TGM3: variants seen among roughly 807,000 people sequenced by gnomAD.
TGM3 encodes the protein protein-glutamine gamma-glutamyltransferase E.
TGM3 carries 52 observed loss-of-function variants against 73.8 expected under a neutral mutation model. That is an observed-to-expected ratio of 0.70 (90% CI 0.56 to 0.89). The LOEUF is 0.89. Ranked by LOEUF, TGM3 falls within the 40% of genes least tolerant of loss-of-function variation. The pLI is 0.00. For synonymous variants in TGM3, 372 were observed against 354.9 expected, an observed-to-expected ratio of 1.05 and a Z score of -0.54; for missense variants, 928 against 909.9, an observed-to-expected ratio of 1.02 and a Z score of -0.26.
chr20:2,300,259 G>C (rs57601713), intron 1 of TGM3, among the ~76,000 whole-genome samples: 2 of 128,496 alleles, frequency 1.6e-5, no homozygotes. Flanking sequence ...AAAGAAAAGA[G>C]AGGAGAAGAG....
intron 1 of TGM3, among the ~76,000 whole-genome samples, chr20:2,308,910 T>C (rs1355670809): frequency 6.6e-6 from 1 of 150,562 alleles, no homozygotes; most frequent in Admixed American, 6.6e-5. Context: ...AGAGTTTTGC[T>C]GTTGATGCCC....
At chr20:2,338,213 A>G (rs568504374) in intron 11 of TGM3, among the ~76,000 whole-genome samples, 40 of 152,320 alleles carry the variant, frequency 2.6e-4, no homozygotes, top group African/African-American at 9.4e-4. Flanking sequence ...CAATCTGAAC[A>G]TTGTTTCCAA....
intron 1 of TGM3, among the ~76,000 whole-genome samples, chr20:2,298,632 T>A (rs1338865541): frequency 6.6e-6 from 1 of 152,160 alleles, no homozygotes; most frequent in Non-Finnish European, 1.5e-5. Context: ...ATTCCCAGCG[T>A]CTGGGTCTAC....
chr20:2,297,562 G>A (rs964767938), intron 1 of TGM3, among the ~76,000 whole-genome samples: 2 of 152,188 alleles, frequency 1.3e-5, no homozygotes, highest in East Asian at 1.9e-4. Context: ...TGGCCTGCCC[G>A]CTGTGAGGCA....
rs146616453 is a variant in TGM3 at position 2,310,312 on chromosome 20, G to A, written c.316G>A (p.Ala106Thr). 9.1e-5 allele frequency: 147 copies of A among 1,614,096 alleles called. 1 individual carries two copies. The highest frequency in any genetic ancestry group is 1.1e-4 in the Non-Finnish European group (130 of 1,180,032). Residue 106 changes from alanine to threonine, a missense_variant, in exon 3 of 13, where the codon GCA becomes ACA. Physicochemically the swap from Ala to Thr is moderately conservative, Grantham distance 58. Coordinates refer to ENST00000381458, the MANE Select transcript of TGM3 (RefSeq NM_003245.4). ...LTISISSPAS[A>T]PIGRYTMALQ... ...TATCAGCATCTCCAGTCCTGCCAGCGCACCCATAGGACGGTACACAATGGC... is the reference window on the plus strand; with the variant it reads ...TATCAGCATCTCCAGTCCTGCCAGCACACCCATAGGACGGTACACAATGGC...
At position 2,328,663 on chromosome 20, in the gene TGM3, G is replaced by A. The variant is rs549561199; in HGVS notation, c.1333+298G>A. On this transcript the variant is annotated intron_variant, in intron 9 of 12. Coordinates refer to ENST00000381458, the MANE Select transcript of TGM3 (RefSeq NM_003245.4). This position sits in a 1 kb window ranked among gnomAD's most constrained non-coding sequence, Gnocchi z 5.2. ...ACTACACAGCTAGGGTGACAGCACC[G>A]TGACTGAACATCACAGGGAGAGACA... Among the ~76,000 whole-genome samples the A allele has an allele frequency of 1.4e-4, 22 of 152,336 alleles. No individual in the cohort carries two copies. Among genetic ancestry groups the A allele is most frequent in the Non-Finnish European group, 2.4e-4 (16 of 68,030 alleles).
intron 11 of TGM3, among the ~76,000 whole-genome samples, chr20:2,336,153 C>T (rs1174040008): frequency 6.6e-6 from 1 of 152,210 alleles, no homozygotes; most frequent in African/African-American, 2.4e-5. Flanking sequence ...CTGTGTCTTC[C>T]TCAGCACTGG....
At chr20:2,298,036 C>T (rs574486302) in intron 1 of TGM3, among the ~76,000 whole-genome samples, 84 of 46,154 alleles carry the variant, frequency 1.8e-3, no homozygotes, top group African/African-American at 3.5e-3. Context: ...AAAATGGTCA[C>T]AGACAATGAG....
Position 2,340,040 on chromosome 20 carries a change from G to GGGGGGGGGGGGGGGGGGGC in TGM3, c.1934+53_1934+54insGGGGGGGGGGGGGGGGGGC. On this transcript the variant is annotated intron_variant, in intron 12 of 12. Coordinates refer to ENST00000381458, the MANE Select transcript of TGM3 (RefSeq NM_003245.4). ...CAGGAGGGCGGGAGGGGGCGGGGGG[G>GGGGGGGGGGGGGGGGGGGC]CCCTCCAGATCCCCTGGGTGGGACA... is the stretch of plus-strand genomic sequence containing the variant. The GGGGGGGGGGGGGGGGGGGC allele has an allele frequency of 3.2e-4, 298 of 943,986 alleles. 1 individual carries two copies. The highest frequency in any genetic ancestry group is 4.4e-4 in the Non-Finnish European group (273 of 623,156). The allele number at this position is 943,986 out of a possible 1,614,324, so 58.5% of individuals were successfully genotyped here.
intron 1 of TGM3, among the ~76,000 whole-genome samples, chr20:2,307,358 C>G (rs895408332): frequency 2.0e-5 from 3 of 152,102 alleles, no homozygotes; most frequent in Non-Finnish European, 4.4e-5. Flanking sequence ...CCAACCCCCA[C>G]TCTCTCCTGT....
chr20:2,335,228 G>T lies in TGM3; in HGVS notation c.1755G>T (p.Val585=). The T allele has an allele frequency of 6.2e-7, 1 of 1,614,222 alleles. No individual in the cohort carries two copies. The highest frequency in any genetic ancestry group is 8.5e-7 in the Non-Finnish European group (1 of 1,180,040). Residue 585 remains valine, a synonymous_variant, in exon 11 of 13, where the codon GTG becomes GTT. Coordinates refer to ENST00000381458, the MANE Select transcript of TGM3 (RefSeq NM_003245.4). ...VCKVPDESEV[V]VERDIILDNP... ...AGGTCCCAGATGAGTCTGAGGTGGT[G>T]GTGGAGCGGGACATCATCCTGGACA...
intron 11 of TGM3, among the ~76,000 whole-genome samples, chr20:2,337,074 C>T (rs2084354832): frequency 2.6e-5 from 4 of 152,190 alleles, no homozygotes; most frequent in Admixed American, 2.6e-4. Context: ...TCCATGAGGG[C>T]AGGCATTACC....
intron 1 of TGM3, among the ~76,000 whole-genome samples, chr20:2,299,403 C>T (rs906319403): frequency 6.7e-6 from 1 of 148,988 alleles, no homozygotes; most frequent in Non-Finnish European, 1.5e-5. Context: ...CATGCCTGAG[C>T]ACTCCCCTTG....
intron 8 of TGM3, among the ~76,000 whole-genome samples, chr20:2,327,596 G>A (rs1215668387): frequency 6.6e-6 from 1 of 152,198 alleles, no homozygotes; most frequent in African/African-American, 2.4e-5. Context: ...TCTAGGGGTT[G>A]TGGTGAAAAA....
intron 8 of TGM3, among the ~76,000 whole-genome samples, chr20:2,326,793 G>A (rs2084290332): frequency 6.6e-6 from 1 of 151,914 alleles, no homozygotes; most frequent in South Asian, 2.1e-4. Flanking sequence ...GTAAAGCCGT[G>A]AGCCGAGATC....
At chr20:2,339,832 C>T (rs1206081029) in intron 11 of TGM3, 22 bp from the exon 12 acceptor site, 10 of 1,613,352 alleles carry the variant, frequency 6.2e-6, no homozygotes, top group East Asian at 4.5e-5. Flanking sequence ...AGTCCTGACT[C>T]GGCAGCCCCT....
intron 7 of TGM3, among the ~76,000 whole-genome samples, chr20:2,321,054 G>A (rs2084260203): frequency 6.6e-6 from 1 of 152,142 alleles, no homozygotes; most frequent in South Asian, 2.1e-4. Flanking sequence ...TCTCTCCACG[G>A]CCTCTGCCTC....
At chr20:2,327,367 T>C (rs2084293876) in intron 8 of TGM3, among the ~76,000 whole-genome samples, 1 of 151,542 alleles carries the variant, frequency 6.6e-6, no homozygotes, top group Non-Finnish European at 1.5e-5. Context: ...TCCCAGCTAC[T>C]GAGAGAGGCT....
intron 1 of TGM3, among the ~76,000 whole-genome samples, chr20:2,305,018 T>G (rs1277289973): frequency 6.6e-6 from 1 of 152,188 alleles, no homozygotes; most frequent in Non-Finnish European, 1.5e-5. Context: ...AAAAGATGCC[T>G]GAGACAAGGT....
Sources: allele counts gnomAD v4.1 joint callset (sites outside exome capture counted in the v4.1 genomes callset), GRCh38; gene constraint gnomAD v4.1.1; non-coding constraint Gnocchi (gnomAD v3.1); transcripts MANE v1.5; gene names NCBI Gene and HGNC (gene_info 2026-07-23, HGNC 2026-07-21).